Variants in PIWIL1 observed in about 807,000 individuals in gnomAD.
The protein encoded by PIWIL1 is piwi like RNA-mediated gene silencing 1, also known as piwi-like protein 1.
PIWIL1 carries 73 observed loss-of-function variants against 114.4 expected under a neutral mutation model. That is an observed-to-expected ratio of 0.64 (90% CI 0.53 to 0.78). PIWIL1 has a LOEUF of 0.78. Ranked by LOEUF, PIWIL1 falls within the 30% of genes least tolerant of loss-of-function variation. The probability of loss-of-function intolerance (pLI) is 0.00; values close to 1 mark genes in which losing one functional copy is unlikely to be tolerated. For missense variants in PIWIL1, 723 were observed against 1,063.1 expected, an observed-to-expected ratio of 0.68 and a Z score of 4.45; for synonymous variants, 375 against 369.0, an observed-to-expected ratio of 1.02 and a Z score of -0.19.
the PIWIL1 span, among the ~76,000 whole-genome samples, chr12:130,411,879 G>A: frequency 6.6e-6 from 1 of 152,034 alleles, no homozygotes; most frequent in Admixed American, 6.5e-5. Context: ...TATATTCTTT[G>A]AAGCACAGAA....
At chr12:130,404,105 TGAA>T in the PIWIL1 span, among the ~76,000 whole-genome samples, 1 of 152,128 alleles carries the variant, frequency 6.6e-6, no homozygotes, top group African/African-American at 2.4e-5. Flanking sequence ...TAAATATTGG[TGAA>T]GAGGAGGCAA....
intron 18 of PIWIL1, among the ~76,000 whole-genome samples, chr12:130,365,410 C>T (rs1257397224): frequency 1.3e-5 from 2 of 152,184 alleles, no homozygotes; most frequent in African/African-American, 4.8e-5. Context: ...GTATTCAATA[C>T]ATGGTAGATA....
the PIWIL1 span, among the ~76,000 whole-genome samples, chr12:130,391,487 G>A: frequency 0.7 from 107,197 of 152,086 alleles, 37,848 homozygotes; most frequent in Admixed American, 0.72. Flanking sequence ...TTCCTCCCCC[G>A]TCCCTTTTCC....
At chr12:130,349,779 A>G in intron 8 of PIWIL1, 77 bp from the exon 9 acceptor site, 1 of 834,450 alleles carries the variant, frequency 1.2e-6, no homozygotes. Context: ...TAGAGAATAC[A>G]TGCTGTCTAG....
chr12:130,346,444 C>T lies in PIWIL1; in HGVS notation c.391C>T (p.Gln131Ter). The change falls in exon 5 of 21, where the codon CAG (glutamine) becomes TAG (stop). Residue 131 changes from glutamine to a stop codon, truncating the protein, a stop_gained. Coordinates refer to ENST00000245255, the MANE Select transcript of PIWIL1 (RefSeq NM_004764.5). LOFTEE classifies it high-confidence loss of function. ...LTSRPQWALY[Q>*]YHIDYNPLME... is the part of the protein sequence containing the mutation. ...ATCCCGTCCCCAGTGGGCCTTATAT[C>T]AGTATCACATTGACTATAACCCACT... is the stretch of plus-strand genomic sequence containing the variant. 1 of 1,613,988 alleles carries T rather than the reference C, an allele frequency of 6.2e-7. No individual in the cohort carries two copies. Among genetic ancestry groups the T allele is most frequent in the Non-Finnish European group, 8.5e-7 (1 of 1,179,834 alleles).
chr12:130,408,317 C>T, the PIWIL1 span, among the ~76,000 whole-genome samples: 2 of 152,256 alleles, frequency 1.3e-5, no homozygotes, highest in Non-Finnish European at 2.9e-5. Context: ...AACTAAGGCA[C>T]TGTCCTCAGG....
chr12:130,400,183 C>T, the PIWIL1 span, among the ~76,000 whole-genome samples: 18 of 152,250 alleles, frequency 1.2e-4, no homozygotes, highest in African/African-American at 2.6e-4. Context: ...AAAAACACAT[C>T]GCTCAGCACA....
At chr12:130,402,425 T>A in the PIWIL1 span, among the ~76,000 whole-genome samples, 1 of 152,120 alleles carries the variant, frequency 6.6e-6, no homozygotes, top group African/African-American at 2.4e-5. Flanking sequence ...TGCCTTCCCC[T>A]GGTACTGACG....
In PIWIL1 at chr12:130,345,866, G is replaced by A; in HGVS notation, c.304G>A (p.Glu102Lys). ...NTRQNLDHVK[E>K]SKTGSSGIIV... ...AAGGCAGAACCTAGACCATGTTAAA[G>A]AATCAAAAACAGGTAGGTTAATTAA... The change falls in exon 4 of 21, where the codon GAA (glutamate) becomes AAA (lysine). Residue 102 changes from glutamate (E) to lysine (K), a missense_variant. Coordinates refer to ENST00000245255, the MANE Select transcript of PIWIL1 (RefSeq NM_004764.5). 1.2e-6 allele frequency: 2 copies of A among 1,613,222 alleles called. No individual in the cohort carries two copies. The highest frequency in any genetic ancestry group is 2.2e-5 in the South Asian group (2 of 90,802).
chr12:130,406,153 T>C, the PIWIL1 span: 1 of 1,379,232 alleles, frequency 7.3e-7, no homozygotes, highest in Non-Finnish European at 1.0e-6. Context: ...TGGTACTTCT[T>C]GATATTTCAA....
chr12:130,342,680 C>A lies in PIWIL1; in HGVS notation c.78+11C>A. 2 of 1,601,358 alleles carry A rather than the reference C, an allele frequency of 1.2e-6. No individual in the cohort carries two copies. Among genetic ancestry groups the A allele is most frequent in the Non-Finnish European group, 1.7e-6 (2 of 1,168,812 alleles). The stretch of plus-strand genomic sequence containing the variant: ...GTGGGCTCCACTGCCGTGAGTGCTT[C>A]ACCGTTTCTGACTACAGAAAATGTC... On this transcript the variant is annotated intron_variant, in intron 2 of 20. Coordinates refer to ENST00000245255, the MANE Select transcript of PIWIL1 (RefSeq NM_004764.5).
At chr12:130,389,247 G>A in the PIWIL1 span, among the ~76,000 whole-genome samples, 1 of 151,826 alleles carries the variant, frequency 6.6e-6, no homozygotes, top group South Asian at 2.1e-4. Flanking sequence ...GATGAAATGG[G>A]CTTATAATTT....
chr12:130,363,298 A>G (rs1200476677), intron 18 of PIWIL1, among the ~76,000 whole-genome samples, 154 bp downstream of exon 18: 1 of 152,168 alleles, frequency 6.6e-6, no homozygotes, highest in African/African-American at 2.4e-5. Context: ...GGAAGTTTCT[A>G]TTGGAAATTT....
the PIWIL1 span, among the ~76,000 whole-genome samples, chr12:130,417,951 C>T: frequency 4.6e-5 from 7 of 152,140 alleles, no homozygotes; most frequent in East Asian, 1.9e-4. Flanking sequence ...GTGAGAAACA[C>T]GCCAGCTGGC....
the PIWIL1 span, among the ~76,000 whole-genome samples, chr12:130,388,872 AATG>A: frequency 6.6e-6 from 1 of 152,136 alleles, no homozygotes; most frequent in Non-Finnish European, 1.5e-5. Context: ...CTCTGCAAAC[AATG>A]ATAATTCTGT....
chr12:130,350,625 G>C (rs1698769576), intron 9 of PIWIL1, among the ~76,000 whole-genome samples: 1 of 152,190 alleles, frequency 6.6e-6, no homozygotes, highest in Admixed American at 6.5e-5. Context: ...CAGATGAGCA[G>C]ATCTGGCCCC....
chr12:130,407,759 G>T, the PIWIL1 span: 1 of 1,614,172 alleles, frequency 6.2e-7, no homozygotes, highest in Non-Finnish European at 8.5e-7. Flanking sequence ...TTTCTCTGGG[G>T]TCGTAGTCAT....
chr12:130,346,237 C>G, intron 4 of PIWIL1, 133 bp from the exon 5 acceptor site: 1 of 656,234 alleles, frequency 1.5e-6, no homozygotes, highest in East Asian at 2.7e-5. Context: ...AGTCAGATGT[C>G]TGAGGACTTT....
chr12:130,357,529 A>G lies in PIWIL1; in HGVS notation c.1641A>G (p.Gln547=). The change falls in exon 14 of 21, where the codon CAA becomes CAG. Residue 547 remains glutamine (Q), a synonymous_variant. Coordinates refer to ENST00000245255, the MANE Select transcript of PIWIL1 (RefSeq NM_004764.5). ...RTEAYLRVLQ[Q]KVTADTQIVV... is the part of the protein sequence containing the mutation. ...AAGCCTACTTAAGAGTCTTACAGCA[A>G]AAGGTCACAGCAGACACCCAGATAG... is the stretch of plus-strand genomic sequence containing the variant. The G allele has an allele frequency of 6.2e-7, 1 of 1,613,130 alleles. No individual in the cohort carries two copies. The highest frequency in any genetic ancestry group is 1.3e-5 in the African/African-American group (1 of 75,026).
Sources: allele counts gnomAD v4.1 joint callset (sites outside exome capture counted in the v4.1 genomes callset), GRCh38; gene constraint gnomAD v4.1.1; transcripts MANE v1.5; gene names NCBI Gene and HGNC (gene_info 2026-07-23, HGNC 2026-07-21).